NOVA1: variants seen among roughly 807,000 people sequenced by gnomAD.
NOVA1 encodes NOVA alternative splicing regulator 1, also known as RNA-binding protein Nova-1.
NOVA1 carries 7 observed loss-of-function variants against 38.0 expected under a neutral mutation model. The ratio of observed to expected loss-of-function variants is 0.18; its 90% CI spans 0.10 to 0.35. NOVA1 has a LOEUF of 0.35. NOVA1 is among the 10% of genes least tolerant of loss of function. NOVA1 has a pLI of 1.00. For synonymous variants in NOVA1, 270 were observed against 232.5 expected (o/e 1.16, Z -1.47); for missense variants, 460 against 616.0 (o/e 0.75, Z 2.68).
intron 2 of NOVA1, among the ~76,000 whole-genome samples, chr14:26,581,726 T>C (rs2138770212): frequency 6.6e-6 from 1 of 152,052 alleles, no homozygotes; most frequent in African/African-American, 2.4e-5. Flanking sequence ...GATGGGCAAA[T>C]GTGGCAGTTT....
At chr14:26,559,322 T>TA (rs1891679654) in intron 2 of NOVA1, among the ~76,000 whole-genome samples, 1 of 152,144 alleles carries the variant, frequency 6.6e-6, no homozygotes, top group African/African-American at 2.4e-5. Context: ...AATTTATTCT[T>TA]ACCGTCATCA....
At chr14:26,550,539 TTAC>T (rs990928231) in intron 2 of NOVA1, among the ~76,000 whole-genome samples, 3 of 152,120 alleles carry the variant, frequency 2.0e-5, no homozygotes, top group South Asian at 2.1e-4. Context: ...CATTCTGCTT[TTAC>T]TACAACAACC....
chr14:26,544,538 G>A (rs1465783379), intron 2 of NOVA1, among the ~76,000 whole-genome samples: 1 of 151,518 alleles, frequency 6.6e-6, no homozygotes, highest in Admixed American at 6.6e-5. Flanking sequence ...TCCTTATTCA[G>A]GTTTTTAAAC....
chr14:26,459,213 G>A (rs551399978), intron 4 of NOVA1, among the ~76,000 whole-genome samples: 2 of 151,904 alleles, frequency 1.3e-5, no homozygotes, highest in African/African-American at 4.8e-5. Flanking sequence ...TGTTATACAC[G>A]TATCATATAT....
chr14:26,571,487 T>C (rs1892468577), intron 2 of NOVA1, among the ~76,000 whole-genome samples: 2 of 152,132 alleles, frequency 1.3e-5, no homozygotes, highest in Admixed American at 1.3e-4. Flanking sequence ...GACATGACAA[T>C]GACGCAGTTA....
intron 2 of NOVA1, among the ~76,000 whole-genome samples, chr14:26,539,259 TGAATAA>T (rs1398882663): frequency 1.1e-4 from 17 of 152,194 alleles, no homozygotes; most frequent in African/African-American, 3.6e-4. Context: ...GAATGAATGA[TGAATAA>T]GAATAACAGA....
intron 2 of NOVA1, among the ~76,000 whole-genome samples, chr14:26,516,037 C>A (rs1445203504): frequency 6.6e-6 from 1 of 152,096 alleles, no homozygotes; most frequent in Non-Finnish European, 1.5e-5. Flanking sequence ...GAGAGTTAAT[C>A]CACATTCTTG....
intron 2 of NOVA1, among the ~76,000 whole-genome samples, chr14:26,497,161 C>T (rs1886875607): frequency 6.6e-6 from 1 of 152,094 alleles, no homozygotes; most frequent in African/African-American, 2.4e-5. Context: ...AACAGACAAA[C>T]AGAGAGCCAA....
chr14:26,531,555 C>G (rs544200919), intron 2 of NOVA1, among the ~76,000 whole-genome samples: 261 of 152,208 alleles, frequency 1.7e-3, no homozygotes, highest in African/African-American at 5.6e-3. Flanking sequence ...TGCCGTGAGC[C>G]GAGATCGCGC....
chr14:26,524,603 A>G (rs1293742723), intron 2 of NOVA1, among the ~76,000 whole-genome samples: 4 of 152,196 alleles, frequency 2.6e-5, no homozygotes, highest in African/African-American at 9.6e-5. Flanking sequence ...CTAGCAGTCT[A>G]TATTAGGTCA....
chr14:26,565,847 T>G (rs1892102476), intron 2 of NOVA1, among the ~76,000 whole-genome samples: 1 of 152,104 alleles, frequency 6.6e-6, no homozygotes. Context: ...GAATGCAAAC[T>G]GAATGGCGTT....
chr14:26,561,962 TTTATA>T (rs1267552628), intron 2 of NOVA1, among the ~76,000 whole-genome samples: 1 of 152,178 alleles, frequency 6.6e-6, no homozygotes, highest in Non-Finnish European at 1.5e-5. Context: ...GTGATAATCG[TTTATA>T]TTAAAGTTTT....
At chr14:26,507,298 T>G (rs1268529410) in intron 2 of NOVA1, among the ~76,000 whole-genome samples, 1 of 151,810 alleles carries the variant, frequency 6.6e-6, no homozygotes, top group Non-Finnish European at 1.5e-5. Flanking sequence ...ATGTCAAAAC[T>G]AGGTTTTAAA....
intron 2 of NOVA1, among the ~76,000 whole-genome samples, chr14:26,526,246 C>T (rs1889288835): frequency 6.6e-6 from 1 of 152,080 alleles, no homozygotes; most frequent in South Asian, 2.1e-4. Context: ...GTTTTTAAAT[C>T]TGCAAACTGG....
chr14:26,450,285 G>A (rs1026663223), intron 4 of NOVA1, among the ~76,000 whole-genome samples: 3 of 151,976 alleles, frequency 2.0e-5, no homozygotes, highest in African/African-American at 7.2e-5. Context: ...ATACAGCCAT[G>A]CATTTCAGGC....
At chr14:26,547,641 T>C (rs1890870106) in intron 2 of NOVA1, among the ~76,000 whole-genome samples, 2 of 152,226 alleles carry the variant, frequency 1.3e-5, no homozygotes, top group South Asian at 4.1e-4. Flanking sequence ...AAATTTAGTA[T>C]ATAAAACATA....
chr14:26,528,239 C>T (rs927339136), intron 2 of NOVA1, among the ~76,000 whole-genome samples: 26 of 152,260 alleles, frequency 1.7e-4, no homozygotes, highest in African/African-American at 6.3e-4. Flanking sequence ...AACCTGTTGA[C>T]TCTTTTACTG....
At chr14:26,492,823 G>C (rs1477362373) in intron 2 of NOVA1, among the ~76,000 whole-genome samples, 1 of 151,798 alleles carries the variant, frequency 6.6e-6, no homozygotes, top group East Asian at 1.9e-4. Flanking sequence ...AAATTAGCCA[G>C]GCATGGGGGT....
At chr14:26,562,039 T>G (rs914942852) in intron 2 of NOVA1, among the ~76,000 whole-genome samples, 1 of 152,322 alleles carries the variant, frequency 6.6e-6, no homozygotes, top group East Asian at 1.9e-4. Context: ...TATTTGTGTA[T>G]GCTGAATATT....
Sources: gnomAD v4.1 joint callset for allele counts (sites outside exome capture counted in the v4.1 genomes callset) on GRCh38, gnomAD v4.1.1 for gene constraint, MANE v1.5 for transcripts, NCBI Gene and HGNC (gene_info 2026-07-23, HGNC 2026-07-21) for gene names.